SGMS1: variants seen among roughly 807,000 people sequenced by gnomAD.
SGMS1 encodes sphingomyelin synthase 1, also known as phosphatidylcholine:ceramide cholinephosphotransferase 1.
In SGMS1, 13 loss-of-function variants were observed where a neutral mutation model predicts 46.2. That is an observed-to-expected ratio of 0.28 (90% CI 0.18 to 0.45). The LOEUF is 0.45. Among genes scored for constraint, SGMS1 ranks in the 20% least tolerant of loss-of-function variants. The pLI, the probability that SGMS1 is intolerant of heterozygous loss-of-function variation, is 1.00. For synonymous variants in SGMS1, 203 were observed against 187.8 expected (o/e 1.08, Z -0.66); for missense variants, 324 against 519.9 (o/e 0.62, Z 3.66).
chr10:50,432,510 A>G (rs563048431), intron 6 of SGMS1, among the ~76,000 whole-genome samples: 1 of 151,504 alleles, frequency 6.6e-6, no homozygotes, highest in South Asian at 2.1e-4. Flanking sequence ...CAAACATGAC[A>G]ACCCCTCCTT....
rs116188653 is a variant in SGMS1, at chr10:50,507,933, C to T, written c.-498+11898G>A. On this transcript the variant is annotated intron_variant, in intron 3 of 10. Transcript: ENST00000361781. ...TCCAAGCCAGTGGCTCCTCTGGTTA[C>T]AGTAAGCCTCAGCTTAGTTGGAGAC... 9.3e-3 allele frequency among the ~76,000 whole-genome samples: 1,419 copies of T among 152,270 alleles called. 25 individuals are homozygous for T. Among genetic ancestry groups the T allele is most frequent in the African/African-American group, 0.033 (1,355 of 41,538 alleles).
At chr10:50,451,772 C>A (rs1837112780) in intron 5 of SGMS1, among the ~76,000 whole-genome samples, 2 of 152,168 alleles carry the variant, frequency 1.3e-5, no homozygotes, top group Admixed American at 1.3e-4. Context: ...AGATATACCC[C>A]TATTTAGTGC....
intron 6 of SGMS1, among the ~76,000 whole-genome samples, chr10:50,413,788 G>A (rs1057060010): frequency 2.0e-5 from 3 of 152,142 alleles, no homozygotes; most frequent in African/African-American, 4.8e-5. Context: ...GATCTGATTT[G>A]GACTGGAGAT....
intron 2 of SGMS1, among the ~76,000 whole-genome samples, chr10:50,548,942 A>G (rs1441685065): frequency 1.3e-5 from 2 of 152,236 alleles, no homozygotes; most frequent in Non-Finnish European, 2.9e-5. Flanking sequence ...CTAACAGGAA[A>G]AAAAGCTTCA....
chr10:50,327,147 A>C (rs915079167), intron 8 of SGMS1, 58 bp downstream of exon 8: 26 of 1,006,404 alleles, frequency 2.6e-5, no homozygotes, highest in Non-Finnish European at 3.6e-5. Flanking sequence ...CACTCAAAGG[A>C]CCCCAGGGCA....
intron 6 of SGMS1, among the ~76,000 whole-genome samples, chr10:50,356,247 T>C (rs1473767582): frequency 6.6e-6 from 1 of 152,264 alleles, no homozygotes; most frequent in Non-Finnish European, 1.5e-5. Flanking sequence ...TGTTAATCTA[T>C]AAACCTTACC....
chr10:50,538,101 T>C (rs1464255386), intron 2 of SGMS1, among the ~76,000 whole-genome samples: 2 of 144,668 alleles, frequency 1.4e-5, no homozygotes, highest in Non-Finnish European at 3.0e-5. Flanking sequence ...GAGATCCTGC[T>C]CTGGAAATAC....
intron 3 of SGMS1, among the ~76,000 whole-genome samples, chr10:50,488,407 T>C (rs980063325): frequency 1.3e-5 from 2 of 152,194 alleles, no homozygotes; most frequent in Non-Finnish European, 2.9e-5. Flanking sequence ...ATTACAGTAA[T>C]ATGCCATAGC....
intron 5 of SGMS1, among the ~76,000 whole-genome samples, chr10:50,452,150 A>G (rs1837118315): frequency 6.6e-6 from 1 of 152,190 alleles, no homozygotes; most frequent in Admixed American, 6.5e-5. Context: ...ATATTAGAAA[A>G]TTAATCTATA....
intron 2 of SGMS1, among the ~76,000 whole-genome samples, chr10:50,527,180 C>T (rs892680810): frequency 2.6e-5 from 4 of 151,992 alleles, no homozygotes; most frequent in African/African-American, 9.7e-5. Flanking sequence ...TGACGGTGTG[C>T]CCATCAAGCA....
At chr10:50,474,740 GAACAA>G (rs753615152) in intron 3 of SGMS1, among the ~76,000 whole-genome samples, 101 of 151,766 alleles carry the variant, frequency 6.7e-4, no homozygotes, top group African/African-American at 2.1e-3. Context: ...AAACAAAACA[GAACAA>G]AACAAAACAA....
rs555109578 is a variant in SGMS1 at position 50,463,146 on chromosome 10, A to G, written c.-454-2332T>C. Among the ~76,000 whole-genome samples the G allele has an allele frequency of 3.3e-5, 5 of 152,296 alleles. No homozygotes were observed. The South Asian group carries it at 8.3e-4, about 25-fold the overall frequency. On this transcript the variant is annotated intron_variant, in intron 4 of 10. Transcript: ENST00000361781. ...TTGGCAATGATTTTTTGGATATTAC[A>G]TCAAAAACACAGGTAAAAAGGAAAC...
At chr10:50,586,012 A>G (rs1308767046) in intron 2 of SGMS1, among the ~76,000 whole-genome samples, 3 of 152,252 alleles carry the variant, frequency 2.0e-5, no homozygotes, top group Non-Finnish European at 2.9e-5. Flanking sequence ...TTTGTAGGCC[A>G]TATGGTCACT....
chr10:50,466,256 T>C (rs1837327858), intron 4 of SGMS1, among the ~76,000 whole-genome samples: 1 of 151,864 alleles, frequency 6.6e-6, no homozygotes, highest in Non-Finnish European at 1.5e-5. Flanking sequence ...TAGAGTACTA[T>C]TTGAATTCTT....
chr10:50,539,925 T>C (rs751994012), intron 2 of SGMS1, among the ~76,000 whole-genome samples: 1 of 152,206 alleles, frequency 6.6e-6, no homozygotes, highest in South Asian at 2.1e-4. Context: ...TTTATGTGTA[T>C]ATAAAATTTA....
At chr10:50,553,490 T>C in intron 2 of SGMS1, among the ~76,000 whole-genome samples, 1 of 98,396 alleles carries the variant, frequency 1.0e-5, no homozygotes, top group Non-Finnish European at 2.0e-5. Flanking sequence ...CATTATAGTA[T>C]TACTGATTTT....
chr10:50,433,020 G>A (rs940199550), intron 6 of SGMS1, among the ~76,000 whole-genome samples: 1 of 152,186 alleles, frequency 6.6e-6, no homozygotes, highest in Non-Finnish European at 1.5e-5. Flanking sequence ...GGGATATGGA[G>A]AAGATGTAGA....
At chr10:50,363,077 A>G (rs1848277223) in intron 6 of SGMS1, among the ~76,000 whole-genome samples, 1 of 152,172 alleles carries the variant, frequency 6.6e-6, no homozygotes, top group Non-Finnish European at 1.5e-5. Context: ...CAGTTAATTG[A>G]AAGATGAATC....
chr10:50,504,929 C>T (rs1284351583), intron 3 of SGMS1, among the ~76,000 whole-genome samples: 3 of 152,102 alleles, frequency 2.0e-5, no homozygotes, highest in Non-Finnish European at 4.4e-5. Flanking sequence ...ATAAAAAAGT[C>T]AACAGCTTGG....
Sources: allele counts gnomAD v4.1 joint callset (sites outside exome capture counted in the v4.1 genomes callset), GRCh38; gene constraint gnomAD v4.1.1; transcripts MANE v1.5; gene names NCBI Gene and HGNC (gene_info 2026-07-23, HGNC 2026-07-21).